Variants in ERBB4 observed in about 807,000 individuals in gnomAD.
ERBB4 encodes the protein receptor tyrosine-protein kinase erbB-4.
In ERBB4, 42 loss-of-function variants were observed where a neutral mutation model predicts 158.0. That is an observed-to-expected ratio of 0.27 (90% confidence interval 0.21 to 0.34). The LOEUF (loss-of-function observed/expected upper bound fraction) is 0.34, where lower values mean the gene tolerates loss of function less well. Among genes scored for constraint, ERBB4 ranks in the 10% least tolerant of loss-of-function variants. ERBB4 has a pLI of 1.00. For missense variants in ERBB4, 1,333 were observed against 1,624.1 expected (o/e 0.82, Z 3.08); for synonymous variants, 583 against 558.7 (o/e 1.04, Z -0.61).
intron 1 of ERBB4, among the ~76,000 whole-genome samples, chr2:212,211,926 T>A (rs570307401): frequency 6.8e-6 from 1 of 146,766 alleles, no homozygotes; most frequent in Non-Finnish European, 1.5e-5. Flanking sequence ...TATTCCATGT[T>A]GTATATGTAC....
intron 4 of ERBB4, 78 bp downstream of exon 4, chr2:211,787,947 T>A (rs2076203505): frequency 1.4e-6 from 2 of 1,410,900 alleles, no homozygotes; most frequent in Admixed American, 1.7e-5. Context: ...ATATTAGTAA[T>A]GACATAATAA....
At chr2:211,884,823 A>T (rs1185711537) in intron 3 of ERBB4, among the ~76,000 whole-genome samples, 1 of 152,206 alleles carries the variant, frequency 6.6e-6, no homozygotes, top group African/African-American at 2.4e-5. Context: ...AATTAACCAT[A>T]ACATTGTATT....
At chr2:211,442,727 A>C (rs1438253616) in intron 20 of ERBB4, among the ~76,000 whole-genome samples, 1 of 59,300 alleles carries the variant, frequency 1.7e-5, no homozygotes, top group Non-Finnish European at 3.4e-5. Flanking sequence ...TTATATATAC[A>C]TATGTGTATA....
chr2:211,742,032 G>A (rs1182661328), intron 5 of ERBB4, among the ~76,000 whole-genome samples: 1 of 152,130 alleles, frequency 6.6e-6, no homozygotes, highest in Non-Finnish European at 1.5e-5. Context: ...AAGGAAAAAT[G>A]GGAATAATTG....
At chr2:212,050,339 C>T (rs1156468750) in intron 2 of ERBB4, among the ~76,000 whole-genome samples, 1 of 152,174 alleles carries the variant, frequency 6.6e-6, no homozygotes, top group Non-Finnish European at 1.5e-5. Flanking sequence ...ATATCTAATG[C>T]AGTCAGTCAC....
At chr2:212,333,527 GAAAA>G (rs80161582) in intron 1 of ERBB4, among the ~76,000 whole-genome samples, 1 of 137,014 alleles carries the variant, frequency 7.3e-6, no homozygotes, top group African/African-American at 2.7e-5. Flanking sequence ...GAAAAAATAC[GAAAA>G]AAAAAAAAAA....
chr2:211,945,448 T>A (rs889961383), intron 3 of ERBB4, among the ~76,000 whole-genome samples: 1 of 152,252 alleles, frequency 6.6e-6, no homozygotes, highest in African/African-American at 2.4e-5. Flanking sequence ...TGCACTTTCT[T>A]CAATTCATAC....
At chr2:212,232,107 T>G (rs1276911597) in intron 1 of ERBB4, among the ~76,000 whole-genome samples, 1 of 152,160 alleles carries the variant, frequency 6.6e-6, no homozygotes, top group African/African-American at 2.4e-5. Flanking sequence ...ATCTGTCAAG[T>G]GGGTTTGATA....
chr2:211,490,789 A>G (rs1018520553), intron 20 of ERBB4, among the ~76,000 whole-genome samples: 1 of 152,128 alleles, frequency 6.6e-6, no homozygotes, highest in Non-Finnish European at 1.5e-5. Context: ...AATTGGCAGT[A>G]CAGTTCTATT....
intron 3 of ERBB4, among the ~76,000 whole-genome samples, chr2:211,873,679 GTATAAA>G (rs1392098734): frequency 6.6e-6 from 1 of 150,388 alleles, no homozygotes; most frequent in Non-Finnish European, 1.5e-5. Flanking sequence ...AACATAAACT[GTATAAA>G]TATATTTTTC....
At chr2:212,078,382 T>C (rs1384238815) in intron 2 of ERBB4, among the ~76,000 whole-genome samples, 1 of 151,984 alleles carries the variant, frequency 6.6e-6, no homozygotes, top group Non-Finnish European at 1.5e-5. Flanking sequence ...TCTTTCAAAA[T>C]ACGGACAGCT....
At chr2:211,528,987 G>T (rs1157529171) in intron 20 of ERBB4, among the ~76,000 whole-genome samples, 1 of 151,144 alleles carries the variant, frequency 6.6e-6, no homozygotes, top group Admixed American at 6.6e-5. Context: ...ATTAGTAGAT[G>T]AAAGAAAATA....
intron 1 of ERBB4, among the ~76,000 whole-genome samples, chr2:212,216,590 T>C (rs1331626045): frequency 6.6e-6 from 1 of 151,268 alleles, no homozygotes; most frequent in Non-Finnish European, 1.5e-5. Flanking sequence ...AGAATTAATA[T>C]CTTCATCCAG....
intron 1 of ERBB4, among the ~76,000 whole-genome samples, chr2:212,190,764 G>A (rs1049271985): frequency 6.6e-6 from 1 of 152,002 alleles, no homozygotes; most frequent in South Asian, 2.1e-4. Flanking sequence ...TTAAATGAAT[G>A]TATTTTGGAT....
intron 1 of ERBB4, among the ~76,000 whole-genome samples, chr2:212,270,272 TA>T (rs1161794035): frequency 6.6e-6 from 1 of 151,750 alleles, no homozygotes; most frequent in South Asian, 2.1e-4. Context: ...TATATGCTAA[TA>T]AAAAACTTAA....
intron 1 of ERBB4, among the ~76,000 whole-genome samples, chr2:212,231,557 T>G (rs2083667062): frequency 6.6e-6 from 1 of 152,234 alleles, no homozygotes; most frequent in South Asian, 2.1e-4. Context: ...ATTACATGGA[T>G]AACATGGACT....
At position 212,158,377 on chromosome 2, in the gene ERBB4, T is replaced by C. The variant is rs151245571; in HGVS notation, c.83-33474A>G. ...CCTAATCCCCAAAGTCCCACCACACTATACTGGAAATACTTAAAATGAACC... is the reference window on the plus strand; with the variant it reads ...CCTAATCCCCAAAGTCCCACCACACCATACTGGAAATACTTAAAATGAACC... On this transcript the variant is annotated intron_variant, in intron 1 of 27. Transcript: ENST00000342788. Among the ~76,000 whole-genome samples, 390 of 152,036 alleles carry C rather than the reference T, an allele frequency of 2.6e-3. 3 individuals carry two copies. Among genetic ancestry groups the C allele is most frequent in the Non-Finnish European group, 1.7e-3 (116 of 67,926 alleles).
chr2:211,790,243 G>A (rs978802372), intron 3 of ERBB4, among the ~76,000 whole-genome samples: 1 of 151,838 alleles, frequency 6.6e-6, no homozygotes, highest in Non-Finnish European at 1.5e-5. Context: ...TCCATTAGGT[G>A]ACAAAGAAAG....
At chr2:211,880,748 A>G (rs1482925381) in intron 3 of ERBB4, among the ~76,000 whole-genome samples, 5 of 151,864 alleles carry the variant, frequency 3.3e-5, no homozygotes, top group Non-Finnish European at 7.4e-5. Context: ...GATGCTTTAC[A>G]AAAAGTTCAT....
Sources: gnomAD v4.1 joint callset for allele counts (sites outside exome capture counted in the v4.1 genomes callset) on GRCh38, gnomAD v4.1.1 for gene constraint, MANE v1.5 for transcripts, NCBI Gene and HGNC (gene_info 2026-07-23, HGNC 2026-07-21) for gene names.